VPS13B: variants seen among roughly 807,000 people sequenced by gnomAD.
The protein encoded by VPS13B is intermembrane lipid transfer protein VPS13B.
In VPS13B, 285 loss-of-function variants were observed where a neutral mutation model predicts 426.4. The observed-to-expected ratio is 0.67, with a 90% CI of 0.61 to 0.74. The LOEUF is 0.74. Ranked by LOEUF, VPS13B falls within the 30% of genes least tolerant of loss-of-function variation. The pLI is 0.00. For missense variants in VPS13B, 4,537 were observed against 4,782.6 expected (o/e 0.95, Z 1.51); for synonymous variants, 1,676 against 1,676.4 (o/e 1.00, Z 0.01).
At chr8:99,814,815 T>C (rs1375469277) in intron 44 of VPS13B, among the ~76,000 whole-genome samples, 2 of 152,164 alleles carry the variant, frequency 1.3e-5, no homozygotes, top group Non-Finnish European at 2.9e-5. Flanking sequence ...AGAGAAGCAA[T>C]GGTGTCTGAC....
At chr8:99,242,050 G>A (rs1357741039) in intron 17 of VPS13B, among the ~76,000 whole-genome samples, 1 of 151,862 alleles carries the variant, frequency 6.6e-6, no homozygotes, top group African/African-American at 2.4e-5. Flanking sequence ...GCGTGGTCTC[G>A]GCTCACTGCA....
intron 21 of VPS13B, among the ~76,000 whole-genome samples, chr8:99,427,636 A>G (rs1421700297): frequency 3.9e-5 from 6 of 152,256 alleles, no homozygotes; most frequent in Non-Finnish European, 8.8e-5. Context: ...GAAATAAAAG[A>G]GGATACAAAC....
intron 22 of VPS13B, among the ~76,000 whole-genome samples, chr8:99,438,894 T>C (rs1322812022): frequency 6.6e-6 from 1 of 152,212 alleles, no homozygotes; most frequent in African/African-American, 2.4e-5. Context: ...TATAAATCTA[T>C]GAGGCTAATA....
At chr8:99,170,704 G>A (rs922403403) in intron 16 of VPS13B, among the ~76,000 whole-genome samples, 2 of 151,426 alleles carry the variant, frequency 1.3e-5, no homozygotes, top group Non-Finnish European at 3.0e-5. Context: ...CCTTAAATTC[G>A]GAGAGATTTA....
chr8:99,796,462 A>G (rs1379456715), intron 43 of VPS13B, among the ~76,000 whole-genome samples: 1 of 152,186 alleles, frequency 6.6e-6, no homozygotes, highest in Non-Finnish European at 1.5e-5. Flanking sequence ...GAAATGCGAG[A>G]TTGATGATCC....
chr8:99,147,137 A>G (rs1466187748), intron 13 of VPS13B, among the ~76,000 whole-genome samples: 1 of 152,104 alleles, frequency 6.6e-6, no homozygotes, highest in Admixed American at 6.5e-5. Flanking sequence ...TTTAAGATGT[A>G]GTCTCGCTTT....
At chr8:99,250,834 A>C (rs1003784426) in intron 17 of VPS13B, among the ~76,000 whole-genome samples, 1 of 151,302 alleles carries the variant, frequency 6.6e-6, no homozygotes, top group African/African-American at 2.4e-5. Context: ...CTACATAAAT[A>C]ATCTTTGATT....
chr8:99,570,703 T>G (rs1825431102), intron 31 of VPS13B, among the ~76,000 whole-genome samples: 1 of 152,170 alleles, frequency 6.6e-6, no homozygotes, highest in Non-Finnish European at 1.5e-5. Flanking sequence ...TTCCTCTTGC[T>G]AATAAGGATT....
intron 3 of VPS13B, among the ~76,000 whole-genome samples, chr8:99,078,600 G>A (rs772903349): frequency 6.6e-6 from 1 of 152,106 alleles, no homozygotes; most frequent in Non-Finnish European, 1.5e-5. Flanking sequence ...GGCATATGCA[G>A]GTGATTGTGG....
chr8:99,098,734 T>C (rs1846564755), intron 4 of VPS13B, among the ~76,000 whole-genome samples: 1 of 152,150 alleles, frequency 6.6e-6, no homozygotes, highest in African/African-American at 2.4e-5. Context: ...TTTATTCCAA[T>C]CACATTTTTA....
chr8:99,388,806 G>A (rs537211530), intron 20 of VPS13B, among the ~76,000 whole-genome samples: 1 of 152,294 alleles, frequency 6.6e-6, no homozygotes, highest in East Asian at 1.9e-4. Flanking sequence ...TCTTGTGTTA[G>A]AAAGTGGTTT....
intron 23 of VPS13B, among the ~76,000 whole-genome samples, chr8:99,451,523 C>G (rs1818198279): frequency 6.6e-6 from 1 of 152,122 alleles, no homozygotes; most frequent in Non-Finnish European, 1.5e-5. Context: ...CCTAGGGTAA[C>G]TAAAGATTAA....
chr8:99,045,180 A>G (rs1843171718), intron 3 of VPS13B, among the ~76,000 whole-genome samples: 1 of 152,104 alleles, frequency 6.6e-6, no homozygotes, highest in Non-Finnish European at 1.5e-5. Context: ...GCAGTGTAGA[A>G]GTGTTCCTGG....
chr8:99,434,883 TC>T (rs1817292265), intron 22 of VPS13B, among the ~76,000 whole-genome samples: 1 of 152,180 alleles, frequency 6.6e-6, no homozygotes, highest in Non-Finnish European at 1.5e-5. Context: ...GACTTACCTG[TC>T]CTTCTCCCTT....
chr8:99,185,499 G>C (rs954100646), intron 16 of VPS13B, among the ~76,000 whole-genome samples: 1 of 151,874 alleles, frequency 6.6e-6, no homozygotes, highest in Non-Finnish European at 1.5e-5. Context: ...TTTTATTTTG[G>C]AAAAAGTGAA....
chr8:99,854,368 C>T (rs1816445827), intron 56 of VPS13B, 112 bp downstream of exon 56: 2 of 1,163,218 alleles, frequency 1.7e-6, no homozygotes, highest in Non-Finnish European at 2.5e-6. Flanking sequence ...AGAGGTGACA[C>T]ACCTGAGCTC....
In VPS13B at chr8:99,859,404, GC is replaced by G; in HGVS notation, c.10969del (p.Leu3657Ter). 1 of 1,614,166 alleles carries G rather than the reference GC, an allele frequency of 6.2e-7. No individual in the cohort carries two copies. The highest frequency in any genetic ancestry group is 8.5e-7 in the Non-Finnish European group (1 of 1,180,044). ...ADFFRLPYEG[L>X]TRGPGAFVSG... ...ACTTCTTCAGGCTTCCGTATGAGGG[GC>G]TGACCCGGGGCCCTGGAGCCTTCGT... On this transcript the variant is annotated frameshift_variant, in exon 57 of 62. Coordinates refer to ENST00000357162, the MANE Select transcript of VPS13B (RefSeq NM_152564.5). LOFTEE classifies it high-confidence loss of function.
intron 17 of VPS13B, among the ~76,000 whole-genome samples, chr8:99,270,157 T>TTTTTTTTTTTTTTTTTTTA (rs1491533254): frequency 7.5e-6 from 1 of 133,748 alleles, no homozygotes; most frequent in Admixed American, 7.6e-5. Context: ...TTTTTTTTTT[T>TTTTTTTTTTTTTTTTTTTA]GAGACAGAGT....
chr8:99,128,398 A>ACC (rs1563556736), intron 8 of VPS13B, among the ~76,000 whole-genome samples: 4 of 142,730 alleles, frequency 2.8e-5, no homozygotes, highest in East Asian at 2.0e-4. Flanking sequence ...AAAAAAAAAA[A>ACC]AAAAAAAAAA....
Sources: gnomAD v4.1 joint callset for allele counts (sites outside exome capture counted in the v4.1 genomes callset) on GRCh38, gnomAD v4.1.1 for gene constraint, MANE v1.5 for transcripts, NCBI Gene and HGNC (gene_info 2026-07-23, HGNC 2026-07-21) for gene names.